RORA: variants seen among roughly 807,000 people sequenced by gnomAD.
The protein encoded by RORA is RAR related orphan receptor A.
RORA carries 7 observed loss-of-function variants against 69.5 expected under a neutral mutation model. The ratio of observed to expected loss-of-function variants is 0.10; its 90% CI spans 0.06 to 0.19. RORA has a LOEUF of 0.19. Ranked by LOEUF, RORA falls within the 10% of genes least tolerant of loss-of-function variation. The pLI, the probability that RORA is intolerant of heterozygous loss-of-function variation, is 1.00. For synonymous variants in RORA, 261 were observed against 240.8 expected, an observed-to-expected ratio of 1.08 and a Z score of -0.78; for missense variants, 457 against 663.0, an observed-to-expected ratio of 0.69 and a Z score of 3.41.
intron 1 of RORA, among the ~76,000 whole-genome samples, chr15:61,178,880 A>G (rs936309672): frequency 1.3e-5 from 2 of 152,204 alleles, no homozygotes; most frequent in Non-Finnish European, 2.9e-5. Context: ...GCTTTTGAAA[A>G]TATCTTCTGA....
chr15:60,734,409 TTAAA>T (rs1254752620), intron 1 of RORA, among the ~76,000 whole-genome samples: 1 of 152,234 alleles, frequency 6.6e-6, no homozygotes, highest in African/African-American at 2.4e-5. Flanking sequence ...ATCTCTCTTC[TTAAA>T]TAAACACTGT....
chr15:60,666,622 C>T (rs916167595), intron 2 of RORA, among the ~76,000 whole-genome samples: 12 of 152,140 alleles, frequency 7.9e-5, no homozygotes, highest in African/African-American at 1.9e-4. Context: ...AGGCTTTGCA[C>T]GGCAGATGCT....
chr15:60,780,458 A>C (rs1416366064), intron 1 of RORA, among the ~76,000 whole-genome samples: 1 of 152,220 alleles, frequency 6.6e-6, no homozygotes, highest in East Asian at 1.9e-4. Context: ...CTTTAAAAAG[A>C]ATCAGGCGAG....
At position 60,502,808 on chromosome 15, in the gene RORA, C is replaced by A. The variant is rs771821251; in HGVS notation, c.1135G>T (p.Val379Leu). 8 of 1,613,912 alleles carry A rather than the reference C, an allele frequency of 5.0e-6. No homozygotes were observed. The highest frequency in any genetic ancestry group is 4.5e-5 in the East Asian group (2 of 44,886). ...CRAFDSQNNT[V>L]YFDGKYASPD... ...CTGGCATACTTCCCATCAAAGTACA[C>A]GGTGTTGTTCTGAGAGTCAAAGGCA... The change falls in exon 8 of 11, where the codon GTG becomes TTG. Residue 379 changes from valine to leucine, a missense_variant. Val to Leu is a conservative substitution (Grantham distance 32). Coordinates refer to ENST00000335670, the MANE Select transcript of RORA (RefSeq NM_134261.3).
At chr15:61,082,653 G>A (rs1222590916) in intron 1 of RORA, among the ~76,000 whole-genome samples, 4 of 152,148 alleles carry the variant, frequency 2.6e-5, no homozygotes, top group African/African-American at 4.8e-5. Flanking sequence ...CATGAACACC[G>A]AAAGATGGCT....
intron 1 of RORA, among the ~76,000 whole-genome samples, chr15:61,004,035 A>G (rs757362934): frequency 3.9e-5 from 6 of 151,994 alleles, no homozygotes; most frequent in Non-Finnish European, 8.8e-5. Flanking sequence ...ACAAGATCCC[A>G]TTGTGGAGGG....
chr15:61,140,987 C>T (rs950311890), intron 1 of RORA, among the ~76,000 whole-genome samples: 1 of 152,054 alleles, frequency 6.6e-6, no homozygotes, highest in Non-Finnish European at 1.5e-5. Context: ...CACAAGAAAC[C>T]TCCTTTCAGA....
chr15:61,000,455 T>G (rs574745238), intron 1 of RORA, among the ~76,000 whole-genome samples: 8 of 151,942 alleles, frequency 5.3e-5, no homozygotes, highest in Non-Finnish European at 1.2e-4. Flanking sequence ...GACACACTGG[T>G]GAGTGAAGGG....
Position 60,829,894 on chromosome 15 carries a change from A to G in RORA, c.167-151208T>C, listed in dbSNP as rs191688331. On this transcript the variant is annotated intron_variant, in intron 1 of 10. Transcript: ENST00000335670. ...GCAGTAGTTAATGTCTCCCTACTGT[A>G]CTGTAGTCTTCTCATGGTGACCTAG... 2.8e-3 allele frequency among the ~76,000 whole-genome samples: 419 copies of G among 152,360 alleles called. 1 individual carries two copies. Among genetic ancestry groups the G allele is most frequent in the African/African-American group, 9.6e-3 (400 of 41,582 alleles).
chr15:60,685,635 A>G lies in RORA; in HGVS notation c.167-6949T>C, dbSNP rs148355640. Among the ~76,000 whole-genome samples, 21 of 152,322 alleles carry G rather than the reference A, an allele frequency of 1.4e-4. No individual in the cohort carries two copies. In the East Asian group the frequency reaches 3.9e-3, roughly 28 times the overall value. On this transcript the variant is annotated intron_variant, in intron 1 of 10. Coordinates refer to ENST00000335670, the MANE Select transcript of RORA (RefSeq NM_134261.3). ...CCTTGTCTAGGACAAAAGAACTATT[A>G]ATGATAATCAGTACATATTACTGAA...
At chr15:61,076,550 T>C (rs1033146649) in intron 1 of RORA, among the ~76,000 whole-genome samples, 2 of 152,248 alleles carry the variant, frequency 1.3e-5, no homozygotes, top group African/African-American at 4.8e-5. Flanking sequence ...AAGACTACCA[T>C]ATTCAGATTA....
intron 1 of RORA, among the ~76,000 whole-genome samples, chr15:60,775,094 C>T (rs1472465870): frequency 6.6e-6 from 1 of 152,160 alleles, no homozygotes; most frequent in Non-Finnish European, 1.5e-5. Context: ...ATATCTTTTA[C>T]CTTCTTTCTT....
intron 5 of RORA, among the ~76,000 whole-genome samples, chr15:60,508,226 C>T (rs937768801): frequency 2.6e-5 from 4 of 152,188 alleles, no homozygotes; most frequent in African/African-American, 9.7e-5. Flanking sequence ...TGTCTGAGCT[C>T]AGCAGATAAT....
intron 2 of RORA, among the ~76,000 whole-genome samples, chr15:60,588,631 G>A (rs2068407797): frequency 6.6e-6 from 1 of 152,134 alleles, no homozygotes; most frequent in African/African-American, 2.4e-5. Flanking sequence ...CACTTGAGTG[G>A]GAGGGAAAGA....
intron 2 of RORA, among the ~76,000 whole-genome samples, chr15:60,543,469 A>G (rs2066967353): frequency 6.6e-6 from 1 of 151,956 alleles, no homozygotes; most frequent in Non-Finnish European, 1.5e-5. Flanking sequence ...GTTAGCTATA[A>G]TCATCATCAC....
intron 1 of RORA, chr15:61,181,508 A>G (rs2079685425): frequency 6.6e-6 from 1 of 152,166 alleles, no homozygotes; most frequent in Non-Finnish European, 1.5e-5. Flanking sequence ...AGAAAGGGGG[A>G]AAATGTGACA....
At chr15:61,031,971 A>G (rs1382739366) in intron 1 of RORA, among the ~76,000 whole-genome samples, 2 of 152,222 alleles carry the variant, frequency 1.3e-5, no homozygotes. Context: ...TAATCTGCCA[A>G]GGATGGTCAT....
chr15:60,976,695 C>T (rs932086633), intron 1 of RORA, among the ~76,000 whole-genome samples: 3 of 152,098 alleles, frequency 2.0e-5, no homozygotes, highest in African/African-American at 7.2e-5. Flanking sequence ...AGACCCCAGA[C>T]GGGCTCATTA....
chr15:61,151,242 T>C (rs543115838), intron 1 of RORA, among the ~76,000 whole-genome samples: 2 of 152,306 alleles, frequency 1.3e-5, no homozygotes, highest in African/African-American at 4.8e-5. Flanking sequence ...AAACTCCAAG[T>C]TGGGTAAGAT....
Sources: allele counts gnomAD v4.1 joint callset (sites outside exome capture counted in the v4.1 genomes callset), GRCh38; gene constraint gnomAD v4.1.1; transcripts MANE v1.5; gene names NCBI Gene and HGNC (gene_info 2026-07-23, HGNC 2026-07-21).